Variants in RIN2 observed in about 807,000 individuals in gnomAD.
RIN2 encodes the protein Ras and Rab interactor 2, also known as RAB5 interacting protein 2.
Under a neutral mutation model 78.0 loss-of-function variants are expected in RIN2, and 36 were observed. The observed-to-expected ratio is 0.46, with a 90% confidence interval of 0.35 to 0.61. The LOEUF (loss-of-function observed/expected upper bound fraction) is 0.61. Among genes scored for constraint, RIN2 ranks in the 20% least tolerant of loss-of-function variants. The pLI, the probability that RIN2 is intolerant of heterozygous loss-of-function variation, is 0.00. For missense variants in RIN2, 1,087 were observed against 1,159.7 expected, an observed-to-expected ratio of 0.94 and a Z score of 0.91; for synonymous variants, 466 against 466.8, an observed-to-expected ratio of 1.00 and a Z score of 0.02.
rs143016570 is a variant in RIN2 at position 19,820,036 on chromosome 20, TTAAAA to T, written c.-37+20295_-37+20299del. Among the ~76,000 whole-genome samples the T allele has an allele frequency of 1.4e-4, 21 of 152,274 alleles. No homozygotes were observed. In the East Asian group the frequency reaches 3.1e-3, roughly 22 times the overall value. ...TCAAATTACTGTAATCAATAAAGTA[TTAAAA>T]TAAAACAATGGCATTATATGGTTCT... On this transcript the variant is annotated intron_variant, in intron 2 of 12. Transcript: ENST00000255006.
rs534728224 is a variant in RIN2, at chr20:19,980,506, G to A, written c.1762+4719G>A. Among the ~76,000 whole-genome samples the A allele has an allele frequency of 3.9e-5, 6 of 152,214 alleles. No individual in the cohort carries two copies. In the South Asian group the frequency reaches 1.2e-3, roughly 32 times the overall value. ...TTGCTCACAAGGTGGGTGGCGGATG[G>A]CATCACAAAATAAGTCACACGAAGA... On this transcript the variant is annotated intron_variant, in intron 9 of 12. Coordinates refer to ENST00000255006, the MANE Select transcript of RIN2 (RefSeq NM_018993.4).
intron 3 of RIN2, among the ~76,000 whole-genome samples, chr20:19,909,155 C>T (rs912955117): frequency 4.6e-5 from 7 of 152,128 alleles, no homozygotes; most frequent in Admixed American, 6.5e-5. Context: ...TGAGCCACCG[C>T]GCCCAGTCTG....
At chr20:19,812,463 T>C (rs528406549) in intron 2 of RIN2, among the ~76,000 whole-genome samples, 1 of 152,344 alleles carries the variant, frequency 6.6e-6, no homozygotes, top group South Asian at 2.1e-4. Flanking sequence ...TACAGACTAA[T>C]GATGTTAAGC....
chr20:19,919,441 G>A (rs1369401179), intron 3 of RIN2, among the ~76,000 whole-genome samples: 2 of 152,180 alleles, frequency 1.3e-5, no homozygotes, highest in African/African-American at 4.8e-5. Context: ...TGTAGTCAAT[G>A]GTGTATAAAA....
intron 1 of RIN2, among the ~76,000 whole-genome samples, chr20:19,759,843 A>C (rs2033562064): frequency 6.6e-6 from 1 of 152,148 alleles, no homozygotes; most frequent in African/African-American, 2.4e-5. Context: ...AGCCTGGGTG[A>C]CAGAGTGAAA....
rs141962096 is a variant in RIN2, at chr20:19,886,506, A to G, written c.-36-3060A>G. ...TCCATTAGCGCCGACCAACGCGACCAGCTCCGTTTACATTCTTTCAGTGGT... is the reference window on the plus strand; with the variant it reads ...TCCATTAGCGCCGACCAACGCGACCGGCTCCGTTTACATTCTTTCAGTGGT... On this transcript the variant is annotated intron_variant, in intron 2 of 12. Transcript: ENST00000255006. 4.9e-4 allele frequency: 273 copies of G among 558,194 alleles called. No homozygotes were observed. The African/African-American group carries it at 4.9e-3, about 10-fold the overall frequency. 34.6% of individuals were successfully genotyped at this position (558,194 alleles called of 1,614,324 possible).
intron 2 of RIN2, chr20:19,886,612 C>CTTTTTTTTTTTTTTTTTTTTTTTTT: frequency 3.8e-6 from 2 of 519,896 alleles, no homozygotes; most frequent in East Asian, 3.5e-5. Context: ...TCTTCTTCTT[C>CTTTTTTTTTTTTTTTTTTTTTTTTT]TTTTTTTTTT....
In RIN2 at chr20:19,965,042, C is replaced by T; in HGVS notation, c.536+18C>T. Reference sequence around the variant, plus strand: ...ATCAGCAGGTAAGGCCTCTTCCTCTCATATGGTTTCAAGGCCCTGTTTGGT... The same window carrying T: ...ATCAGCAGGTAAGGCCTCTTCCTCTTATATGGTTTCAAGGCCCTGTTTGGT... On this transcript the variant is annotated intron_variant, in intron 7 of 12. Coordinates refer to ENST00000255006, the MANE Select transcript of RIN2 (RefSeq NM_018993.4). The T allele has an allele frequency of 1.2e-6, 2 of 1,600,400 alleles. No homozygotes were observed. The highest frequency in any genetic ancestry group is 1.7e-6 in the Non-Finnish European group (2 of 1,169,204).
At chr20:19,798,331 C>T (rs1331071738) in intron 1 of RIN2, among the ~76,000 whole-genome samples, 1 of 151,892 alleles carries the variant, frequency 6.6e-6, no homozygotes, top group African/African-American at 2.4e-5. Flanking sequence ...AGGAGAGGGA[C>T]AGGGAGGATA....
chr20:19,784,886 C>G (rs2034622675), intron 1 of RIN2, among the ~76,000 whole-genome samples: 1 of 152,096 alleles, frequency 6.6e-6, no homozygotes, highest in Non-Finnish European at 1.5e-5. Flanking sequence ...GGCGAGGTTA[C>G]TGGGAGAGAG....
chr20:19,960,481 G>A (rs1157685727), intron 5 of RIN2, among the ~76,000 whole-genome samples: 2 of 152,202 alleles, frequency 1.3e-5, no homozygotes, highest in Admixed American at 1.3e-4. Flanking sequence ...AGAAGCTTCT[G>A]TCAGAGGGAA....
At chr20:19,824,292 A>G (rs1452354216) in intron 2 of RIN2, among the ~76,000 whole-genome samples, 2 of 152,230 alleles carry the variant, frequency 1.3e-5, no homozygotes, top group African/African-American at 4.8e-5. Context: ...ATAATTTTAG[A>G]TGGAACATCT....
intron 1 of RIN2, among the ~76,000 whole-genome samples, chr20:19,764,918 G>GGTTTTTTTTTTTTT (rs2033804608): frequency 6.0e-5 from 3 of 50,362 alleles, no homozygotes; most frequent in Non-Finnish European, 1.1e-4. Context: ...CACTTTCTGC[G>GGTTTTTTTTTTTTT]TTTTTTTTTT....
intron 2 of RIN2, among the ~76,000 whole-genome samples, chr20:19,810,882 T>G (rs1490426165): frequency 2.5e-4 from 36 of 143,386 alleles, no homozygotes; most frequent in East Asian, 8.3e-4. Context: ...GTGTGTGTTT[T>G]TTTTTTTTTT....
chr20:19,886,618 T>TC, intron 2 of RIN2: 2 of 784,238 alleles, frequency 2.6e-6, no homozygotes, highest in Non-Finnish European at 2.0e-6. Flanking sequence ...TCTTCTTTTT[T>TC]TTTTTTTTTT....
intron 4 of RIN2, among the ~76,000 whole-genome samples, chr20:19,953,586 A>T (rs554394768): frequency 1.4e-3 from 212 of 152,028 alleles, no homozygotes; most frequent in Non-Finnish European, 2.2e-3. Flanking sequence ...GACTACAGGC[A>T]CCCACCACCA....
At position 19,975,640 on chromosome 20, in the gene RIN2, T is replaced by C; in HGVS notation, c.1615T>C (p.Phe539Leu). ...GTGCTTAGTGCAGGACTACGTGAGC[T>C]TCCTGCAGGAGAACAAGGAGTGCCA... ...FGCLVQDYVSFLQENKECHVS... is the reference protein window; with the variant it reads ...FGCLVQDYVSLLQENKECHVS... The change falls in exon 9 of 13, where the codon TTC becomes CTC. Residue 539 changes from phenylalanine to leucine, a missense_variant. Around this residue, in one of 8 missense-constraint regions of RIN2, gnomAD observed 34 missense variants for 46.1 expected, o/e 0.74. Coordinates refer to ENST00000255006, the MANE Select transcript of RIN2 (RefSeq NM_018993.4). The surrounding 1 kb of genome is among the most constrained non-coding windows in gnomAD (Gnocchi z 4.9). 1 of 1,613,792 alleles carries C rather than the reference T, an allele frequency of 6.2e-7. No homozygotes were observed. Among genetic ancestry groups the C allele is most frequent in the Non-Finnish European group, 8.5e-7 (1 of 1,179,888 alleles).
intron 2 of RIN2, among the ~76,000 whole-genome samples, chr20:19,825,562 C>T (rs1320607458): frequency 1.3e-5 from 2 of 152,214 alleles, no homozygotes; most frequent in East Asian, 3.9e-4. Flanking sequence ...TTCCTTACCT[C>T]AATCCAGTGT....
At chr20:19,795,922 T>G in intron 1 of RIN2, among the ~76,000 whole-genome samples, 1 of 151,828 alleles carries the variant, frequency 6.6e-6, no homozygotes, top group East Asian at 1.9e-4. Context: ...AAATGGCACA[T>G]GAAAATATGA....
Sources: allele counts gnomAD v4.1 joint callset (sites outside exome capture counted in the v4.1 genomes callset), GRCh38; gene constraint gnomAD v4.1.1; regional missense constraint gnomAD v4.1.1; non-coding constraint Gnocchi (gnomAD v3.1); transcripts MANE v1.5; gene names NCBI Gene and HGNC (gene_info 2026-07-23, HGNC 2026-07-21).